REPS2: variants seen among roughly 807,000 people sequenced by gnomAD.
The protein encoded by REPS2 is RALBP1 associated Eps domain containing 2.
Under a neutral mutation model 53.6 loss-of-function variants are expected in REPS2, and 23 were observed. The ratio of observed to expected loss-of-function variants is 0.43; its 90% CI spans 0.31 to 0.61. REPS2 has a LOEUF of 0.61. Among genes scored for constraint, REPS2 ranks in the 20% least tolerant of loss-of-function variants. The pLI, the probability that REPS2 is intolerant of heterozygous loss-of-function variation, is 0.11. For missense variants in REPS2, 446 were observed against 534.9 expected (o/e 0.83, Z 1.64); for synonymous variants, 238 against 218.6 (o/e 1.09, Z -0.78).
intron 12 of REPS2, among the ~76,000 whole-genome samples, chrX:17,075,864 C>T (rs1350792255): frequency 8.9e-6 from 1 of 112,221 alleles, no homozygotes; most frequent in Non-Finnish European, 1.9e-5. Context: ...CTTTTCATTT[C>T]TAGCTAGGGT....
At chrX:17,184,154 A>G in the REPS2 span, among the ~76,000 whole-genome samples, 1 of 105,981 alleles carries the variant, frequency 9.4e-6, no homozygotes, top group Non-Finnish European at 1.9e-5. Flanking sequence ...CATTAGGTAT[A>G]TCTCCCAGTG....
intron 11 of REPS2, among the ~76,000 whole-genome samples, chrX:17,072,767 A>G (rs1351694048): frequency 8.9e-6 from 1 of 112,079 alleles, no homozygotes; most frequent in Non-Finnish European, 1.9e-5. Context: ...GCCCCAAGGC[A>G]GCCTCCTGAG....
chrX:17,106,947 T>C (rs1482425444), intron 14 of REPS2, among the ~76,000 whole-genome samples: 1 of 111,464 alleles, frequency 9.0e-6, no homozygotes, highest in East Asian at 2.8e-4. Context: ...AATAGACATA[T>C]AGACTAGTGG....
At chrX:17,063,885 A>T (rs912356821) in intron 9 of REPS2, among the ~76,000 whole-genome samples, 2 of 106,714 alleles carry the variant, frequency 1.9e-5, no homozygotes, top group Non-Finnish European at 3.9e-5. Flanking sequence ...TAAAACGGCC[A>T]TAAAATCTGT....
chrX:16,964,760 G>A (rs375307536), intron 1 of REPS2, among the ~76,000 whole-genome samples: 13 of 96,301 alleles, frequency 1.3e-4, no homozygotes, highest in African/African-American at 3.8e-4. Context: ...CTCACCTCCC[G>A]GACGGGGCGG....
At chrX:17,034,304 T>C (rs891324648) in intron 5 of REPS2, among the ~76,000 whole-genome samples, 14 of 111,578 alleles carry the variant, frequency 1.3e-4, no homozygotes, top group African/African-American at 4.6e-4. Flanking sequence ...TATATATTTA[T>C]TTATTTTTTT....
At chrX:16,997,923 A>G (rs1024304114) in intron 1 of REPS2, among the ~76,000 whole-genome samples, 2 of 111,661 alleles carry the variant, frequency 1.8e-5, no homozygotes, top group African/African-American at 6.5e-5. Flanking sequence ...CATGACTGTA[A>G]TCCTAGCACT....
At chrX:17,031,027 A>G (rs1197133207) in intron 5 of REPS2, among the ~76,000 whole-genome samples, 2 of 112,542 alleles carry the variant, frequency 1.8e-5, no homozygotes, top group Non-Finnish European at 3.8e-5. Context: ...TTTATCCCCA[A>G]GTTGGAAAAC....
At chrX:17,126,337 A>G (rs987456593) in intron 14 of REPS2, among the ~76,000 whole-genome samples, 2 of 111,683 alleles carry the variant, frequency 1.8e-5, no homozygotes, top group African/African-American at 6.5e-5. Flanking sequence ...ACAGTGGAGA[A>G]TGCACCTCCC....
intron 1 of REPS2, among the ~76,000 whole-genome samples, chrX:16,983,922 C>A (rs2061055626): frequency 8.9e-6 from 1 of 112,663 alleles, no homozygotes; most frequent in African/African-American, 3.2e-5. Context: ...CCTCCAGAAC[C>A]CTCTTCTTTC....
At chrX:17,163,275 T>C in the REPS2 span, among the ~76,000 whole-genome samples, 1 of 111,401 alleles carries the variant, frequency 9.0e-6, no homozygotes, top group Non-Finnish European at 1.9e-5. Context: ...AACTTGAAGA[T>C]AGGTGAATTG....
intron 11 of REPS2, 31 bp downstream of exon 11, chrX:17,070,024 A>G (rs1413919458): frequency 7.5e-6 from 6 of 799,487 alleles, no homozygotes; most frequent in African/African-American, 2.2e-5. Flanking sequence ...TATACTTTAT[A>G]TATAATTATT....
Position 17,138,917 on chromosome X carries a change from G to T in REPS2, c.1870G>T (p.Ala624Ser). The change falls in exon 17 of 18, where the codon GCA becomes TCA. Residue 624 changes from alanine (A) to serine (S), a missense_variant. Coordinates refer to ENST00000357277, the MANE Select transcript of REPS2 (RefSeq NM_004726.3). ...TATCCGCAAAAATAAAGAGGCAAAC[G>T]CAGTGCTGGCTCGGCTGAACAGTGA... ...TAIRKNKEAN[A>S]VLARLNSELQ... 1 of 1,203,852 alleles carries T rather than the reference G, an allele frequency of 8.3e-7. No individual in the cohort carries two copies. Among genetic ancestry groups the T allele is most frequent in the Non-Finnish European group, 1.1e-6 (1 of 891,803 alleles).
At chrX:17,120,440 G>T (rs2063126746) in intron 14 of REPS2, among the ~76,000 whole-genome samples, 1 of 111,856 alleles carries the variant, frequency 8.9e-6, no homozygotes, top group East Asian at 2.8e-4. Flanking sequence ...GGGGATCATG[G>T]TAGTATCCAT....
At chrX:17,181,050 A>G in the REPS2 span, among the ~76,000 whole-genome samples, 1 of 112,075 alleles carries the variant, frequency 8.9e-6, no homozygotes, top group Non-Finnish European at 1.9e-5. Flanking sequence ...TCCTTGCCTA[A>G]AAGTATACTG....
chrX:17,008,597 T>C (rs1237639739), intron 2 of REPS2, among the ~76,000 whole-genome samples: 1 of 112,401 alleles, frequency 8.9e-6, no homozygotes, highest in African/African-American at 3.2e-5. Context: ...ATTTAAAGAT[T>C]GATTAAATAA....
chrX:17,106,534 C>T (rs761631987), intron 14 of REPS2, among the ~76,000 whole-genome samples: 115 of 109,129 alleles, frequency 1.1e-3, no homozygotes, highest in Non-Finnish European at 2.0e-3. Flanking sequence ...CTGTCTCAGC[C>T]TCCCGAGTAG....
intron 8 of REPS2, among the ~76,000 whole-genome samples, chrX:17,060,745 G>C (rs754946125): frequency 9.0e-6 from 1 of 111,127 alleles, no homozygotes. Context: ...GCACAGAACC[G>C]GGGTAGAGAG....
chrX:16,965,247 C>T (rs201667508), intron 1 of REPS2, among the ~76,000 whole-genome samples: 46 of 57,744 alleles, frequency 8.0e-4, no homozygotes, highest in African/African-American at 1.7e-3. Flanking sequence ...CCGGACGGGG[C>T]GGCTGGCCGG....
Sources: gnomAD v4.1 joint callset for allele counts (sites outside exome capture counted in the v4.1 genomes callset) on GRCh38, gnomAD v4.1.1 for gene constraint, MANE v1.5 for transcripts, NCBI Gene and HGNC (gene_info 2026-07-23, HGNC 2026-07-21) for gene names.